The following SLC14A2 variants were observed in gnomAD, a reference collection of about 807,000 sequenced individuals.
SLC14A2 encodes solute carrier family 14 member 2, also known as urea transporter 2.
A neutral mutation model predicts 104.6 loss-of-function variants in SLC14A2; 91 were observed. That is an observed-to-expected ratio of 0.87 (90% confidence interval 0.73 to 1.04). The LOEUF (loss-of-function observed/expected upper bound fraction) is 1.04. Ranked by LOEUF, SLC14A2 falls within the 50% of genes least tolerant of loss-of-function variation. The probability of loss-of-function intolerance (pLI) is 0.00; values close to 1 mark genes in which losing one functional copy is unlikely to be tolerated. For missense variants in SLC14A2, 1,189 were observed against 1,156.0 expected, an observed-to-expected ratio of 1.03 and a Z score of -0.41; for synonymous variants, 476 against 466.4, an observed-to-expected ratio of 1.02 and a Z score of -0.27.
chr18:45,421,095 A>G (rs2086341566), intron 1 of SLC14A2, among the ~76,000 whole-genome samples: 1 of 152,078 alleles, frequency 6.6e-6, no homozygotes, highest in Admixed American at 6.6e-5. Flanking sequence ...TTCCCTCCAC[A>G]AATCATTCCA....
At chr18:45,268,456 AACC>A (rs2084615453) in intron 1 of SLC14A2, among the ~76,000 whole-genome samples, 1 of 152,372 alleles carries the variant, frequency 6.6e-6, no homozygotes, top group South Asian at 2.1e-4. Flanking sequence ...TGATCTATGC[AACC>A]ACCTTGAGTG....
chr18:45,597,109 G>A (rs2044727332), intron 2 of SLC14A2, among the ~76,000 whole-genome samples: 1 of 152,252 alleles, frequency 6.6e-6, no homozygotes, highest in African/African-American at 2.4e-5. Flanking sequence ...CTTGAGGTCA[G>A]GAGTTCGAGA....
chr18:45,433,952 A>G (rs963427242), intron 1 of SLC14A2, among the ~76,000 whole-genome samples: 1 of 152,178 alleles, frequency 6.6e-6, no homozygotes, highest in Non-Finnish European at 1.5e-5. Context: ...CCTTCAGTTC[A>G]TCCCATGCTC....
At chr18:45,206,956 G>C in the SLC14A2 span, among the ~76,000 whole-genome samples, 1 of 152,192 alleles carries the variant, frequency 6.6e-6, no homozygotes, top group South Asian at 2.1e-4. Flanking sequence ...CATCCTATCA[G>C]AGAATGTGTA....
At chr18:45,268,775 G>A (rs892283051) in intron 1 of SLC14A2, among the ~76,000 whole-genome samples, 16 of 152,174 alleles carry the variant, frequency 1.1e-4, no homozygotes, top group African/African-American at 3.6e-4. Context: ...CTGGCCAAAG[G>A]TTGAGCCTTA....
intron 2 of SLC14A2, chr18:45,529,049 T>G (rs2043640957): frequency 6.6e-6 from 1 of 152,180 alleles, no homozygotes; most frequent in Non-Finnish European, 1.5e-5. Flanking sequence ...CAAGACACCT[T>G]CCAGCCCTAC....
chr18:45,600,778 A>G (rs960171377), intron 2 of SLC14A2, among the ~76,000 whole-genome samples: 5 of 152,144 alleles, frequency 3.3e-5, no homozygotes, highest in African/African-American at 1.2e-4. Flanking sequence ...CCATTGTCCC[A>G]CTGGACTTCC....
At chr18:45,180,703 C>T in the SLC14A2 span, among the ~76,000 whole-genome samples, 10 of 152,240 alleles carry the variant, frequency 6.6e-5, no homozygotes, top group South Asian at 1.9e-3. Context: ...CAAGAGATTC[C>T]ATTCCATGTT....
chr18:45,394,585 C>A (rs1028738939), intron 1 of SLC14A2, among the ~76,000 whole-genome samples: 8 of 152,072 alleles, frequency 5.3e-5, no homozygotes, highest in African/African-American at 1.9e-4. Context: ...TTTTGATTTG[C>A]GTTTCCCTGA....
At chr18:45,386,579 C>T (rs922559058) in intron 1 of SLC14A2, among the ~76,000 whole-genome samples, 21 of 152,214 alleles carry the variant, frequency 1.4e-4, no homozygotes, top group Admixed American at 2.0e-4. Flanking sequence ...TGGCTGTGGG[C>T]AGACCAGCAT....
At chr18:45,529,161 T>C (rs535342389) in intron 2 of SLC14A2, 1 of 152,308 alleles carries the variant, frequency 6.6e-6, no homozygotes, top group East Asian at 1.9e-4. Flanking sequence ...AAAAACGTAG[T>C]TTGGGGCTGT....
the SLC14A2 span, among the ~76,000 whole-genome samples, chr18:45,180,164 C>A: frequency 6.6e-6 from 1 of 151,688 alleles, no homozygotes; most frequent in East Asian, 1.9e-4. Flanking sequence ...GAGAAAAAAA[C>A]AAACAAACAA....
chr18:45,590,241 C>T (rs1040282877), intron 2 of SLC14A2, among the ~76,000 whole-genome samples: 3 of 152,156 alleles, frequency 2.0e-5, no homozygotes, highest in African/African-American at 7.2e-5. Context: ...CAAAGCATGT[C>T]CCTTCCCTGG....
At chr18:45,429,325 T>C (rs1282596609) in intron 1 of SLC14A2, among the ~76,000 whole-genome samples, 4 of 152,216 alleles carry the variant, frequency 2.6e-5, no homozygotes, top group Non-Finnish European at 4.4e-5. Context: ...GTGGAGAGTC[T>C]GTGGAAGACT....
At position 45,308,591 on chromosome 18, in the gene SLC14A2, C is replaced by T. The variant is rs375527059; in HGVS notation, c.-125+95400C>T. 3.9e-5 allele frequency among the ~76,000 whole-genome samples: 6 copies of T among 152,144 alleles called. No homozygotes were observed. In the East Asian group the frequency reaches 5.8e-4, roughly 15 times the overall value. On this transcript the variant is annotated intron_variant, in intron 1 of 20. Transcript: ENST00000586448. ...TTCCTCCCCTCGTTCACAATTTGCCCGGAGGGAGGATGCCTGTGTCCTGGC... is the reference window on the plus strand; with the variant it reads ...TTCCTCCCCTCGTTCACAATTTGCCTGGAGGGAGGATGCCTGTGTCCTGGC...
At chr18:45,494,567 A>AT (rs1568240091) in intron 2 of SLC14A2, among the ~76,000 whole-genome samples, 51 of 150,324 alleles carry the variant, frequency 3.4e-4, no homozygotes, top group African/African-American at 8.8e-4. Flanking sequence ...CCAGAAAAAA[A>AT]ATTTTTTTTT....
At position 45,512,761 on chromosome 18, in the gene SLC14A2, C is replaced by T. The variant is rs566733777; in HGVS notation, c.-35+29439C>T. On this transcript the variant is annotated intron_variant, in intron 2 of 20. Coordinates refer to the SLC14A2 transcript ENST00000586448. ...TTTACATACATCAGACTCATTCTGC[C>T]TGCAAAATCTGTCTTAGAGGATGAG... is the stretch of plus-strand genomic sequence containing the variant. Among the ~76,000 whole-genome samples, 10 of 152,316 alleles carry T rather than the reference C, an allele frequency of 6.6e-5. No individual in the cohort carries two copies. In the South Asian group the frequency reaches 1.9e-3, roughly 28 times the overall value.
intron 1 of SLC14A2, among the ~76,000 whole-genome samples, chr18:45,461,203 C>T (rs2087039067): frequency 6.6e-6 from 1 of 152,160 alleles, no homozygotes; most frequent in Non-Finnish European, 1.5e-5. Context: ...GTCACAGTGG[C>T]TCAAACAGAG....
In SLC14A2 at chr18:45,636,983, T is replaced by G; in HGVS notation, c.651-7T>G. 1 of 1,612,490 alleles carries G rather than the reference T, an allele frequency of 6.2e-7. No homozygotes were observed. Among genetic ancestry groups the G allele is most frequent in the Non-Finnish European group, 8.5e-7 (1 of 1,178,934 alleles). On this transcript the variant is annotated splice_polypyrimidine_tract_variant and splice_region_variant and intron_variant, in intron 5 of 19. Transcript: ENST00000255226. ...AGGGATTAACCCTCTGTCTCTTGCA[T>G]CTTCAGCCCAGTTCTTTCTAGTGCC...
Sources: gnomAD v4.1 joint callset for allele counts (sites outside exome capture counted in the v4.1 genomes callset) on GRCh38, gnomAD v4.1.1 for gene constraint, MANE v1.5 for transcripts, NCBI Gene and HGNC (gene_info 2026-07-23, HGNC 2026-07-21) for gene names.